LRRTM4: variants seen among roughly 807,000 people sequenced by gnomAD.
LRRTM4 encodes the protein leucine-rich repeat transmembrane neuronal protein 4.
In LRRTM4, 25 loss-of-function variants were observed where a neutral mutation model predicts 47.6. The ratio of observed to expected loss-of-function variants is 0.53; its 90% CI spans 0.38 to 0.73. The LOEUF (loss-of-function observed/expected upper bound fraction) is 0.73, where lower values mean the gene tolerates loss of function less well. Among genes scored for constraint, LRRTM4 ranks in the 30% least tolerant of loss-of-function variants. LRRTM4 has a pLI of 0.00. For synonymous variants in LRRTM4, 311 were observed against 269.5 expected (o/e 1.15, Z -1.51); for missense variants, 638 against 713.4 (o/e 0.89, Z 1.20).
intron 3 of LRRTM4, among the ~76,000 whole-genome samples, chr2:77,047,315 T>C (rs754120812): frequency 2.6e-5 from 4 of 152,018 alleles, no homozygotes; most frequent in Non-Finnish European, 4.4e-5. Context: ...GGAAGGTAAG[T>C]GCTGGCACAG....
Position 76,796,309 on chromosome 2 carries a change from C to T in LRRTM4, c.1552-47393G>A, listed in dbSNP as rs1256862957. ...GCCAGGAAGCTCCAACTGGGTGGAG[C>T]CCACCACAGCTCAAGGAGGCCTGCC... On this transcript the variant is annotated intron_variant, in intron 3 of 3. Transcript: ENST00000409884. Among the ~76,000 whole-genome samples, 16 of 119,178 alleles carry T rather than the reference C, an allele frequency of 1.3e-4. No homozygotes were observed. In the East Asian group the frequency reaches 4.2e-3, roughly 32 times the overall value. 78.2% of individuals were successfully genotyped at this position (119,178 alleles called of 152,430 possible). A position where few individuals can be genotyped will look rare whatever the true frequency, so the allele number is the denominator to read the frequency against.
chr2:77,182,182 CA>C (rs1481460595), intron 3 of LRRTM4, among the ~76,000 whole-genome samples: 3 of 152,054 alleles, frequency 2.0e-5, no homozygotes, highest in African/African-American at 7.2e-5. Context: ...AAATGCCCAT[CA>C]ATGATAGACT....
At chr2:77,253,943 TAAAG>T (rs563485776) in intron 3 of LRRTM4, among the ~76,000 whole-genome samples, 264 of 151,992 alleles carry the variant, frequency 1.7e-3, no homozygotes, top group African/African-American at 6.1e-3. Flanking sequence ...AAAAGATAGT[TAAAG>T]AAACAGTCTG....
chr2:76,967,636 A>G (rs1399944999), intron 3 of LRRTM4, among the ~76,000 whole-genome samples: 2 of 151,680 alleles, frequency 1.3e-5, no homozygotes, highest in Non-Finnish European at 3.0e-5. Flanking sequence ...CAGCCTTGCC[A>G]TATGTATAAA....
chr2:77,469,259 T>C (rs993077978), intron 3 of LRRTM4, among the ~76,000 whole-genome samples: 4 of 152,236 alleles, frequency 2.6e-5, no homozygotes, highest in African/African-American at 9.6e-5. Flanking sequence ...CGTTTGCCTC[T>C]GAAAGCAGGG....
chr2:76,853,739 G>A (rs749406629), intron 3 of LRRTM4, among the ~76,000 whole-genome samples: 2 of 152,090 alleles, frequency 1.3e-5, no homozygotes, highest in African/African-American at 2.4e-5. Flanking sequence ...AAGGTGTTAA[G>A]GTAAATTCCA....
chr2:76,866,807 C>T (rs373122717), intron 3 of LRRTM4, among the ~76,000 whole-genome samples: 23 of 152,130 alleles, frequency 1.5e-4, no homozygotes, highest in East Asian at 7.7e-4. Context: ...AATAAACATA[C>T]GAGTGCATGT....
intron 3 of LRRTM4, among the ~76,000 whole-genome samples, chr2:76,976,806 G>T (rs1277620370): frequency 6.6e-6 from 1 of 151,780 alleles, no homozygotes; most frequent in Non-Finnish European, 1.5e-5. Context: ...CAGTAATTTG[G>T]TGTATATTTT....
At chr2:77,332,154 G>T (rs1670995450) in intron 3 of LRRTM4, among the ~76,000 whole-genome samples, 2 of 152,226 alleles carry the variant, frequency 1.3e-5, no homozygotes, top group Admixed American at 1.3e-4. Flanking sequence ...GAAATGCAAG[G>T]TAAACTTCTT....
At chr2:76,974,552 A>G (rs76022598) in intron 3 of LRRTM4, among the ~76,000 whole-genome samples, 5,718 of 151,354 alleles carry the variant, frequency 0.038, 241 homozygotes, top group East Asian at 0.14. Context: ...TGTCACATAC[A>G]TATTTATAAT....
At chr2:77,046,218 C>T (rs975828032) in intron 3 of LRRTM4, among the ~76,000 whole-genome samples, 7 of 151,912 alleles carry the variant, frequency 4.6e-5, no homozygotes, top group Non-Finnish European at 8.8e-5. Context: ...GCAATAGAAC[C>T]AGCTCTAGAT....
intron 3 of LRRTM4, among the ~76,000 whole-genome samples, chr2:76,936,601 A>AG (rs1418713258): frequency 3.3e-5 from 5 of 149,286 alleles, no homozygotes; most frequent in African/African-American, 9.9e-5. Context: ...AAAAAAAAAA[A>AG]GAAAGAAAAA....
At chr2:76,910,736 T>C (rs1674024577) in intron 3 of LRRTM4, among the ~76,000 whole-genome samples, 3 of 152,242 alleles carry the variant, frequency 2.0e-5, no homozygotes, top group Non-Finnish European at 4.4e-5. Flanking sequence ...CACTCTGTTA[T>C]GTAAAAACAA....
At chr2:76,768,713 CTTA>C (rs990808548) in intron 3 of LRRTM4, among the ~76,000 whole-genome samples, 2 of 151,928 alleles carry the variant, frequency 1.3e-5, no homozygotes, top group Non-Finnish European at 2.9e-5. Flanking sequence ...TAAAAAATCC[CTTA>C]TTATTTATGG....
At chr2:77,045,013 ATTAC>A (rs983254946) in intron 3 of LRRTM4, among the ~76,000 whole-genome samples, 6 of 151,818 alleles carry the variant, frequency 4.0e-5, no homozygotes, top group African/African-American at 9.7e-5. Context: ...TTGGTTACCA[ATTAC>A]TTACTATGTG....
At chr2:77,118,769 T>G (rs1572980091) in intron 3 of LRRTM4, among the ~76,000 whole-genome samples, 1 of 151,984 alleles carries the variant, frequency 6.6e-6, no homozygotes, top group South Asian at 2.1e-4. Context: ...ATTCAAATTT[T>G]TAGGCATCCA....
At chr2:76,894,687 G>A (rs1300964586) in intron 3 of LRRTM4, among the ~76,000 whole-genome samples, 1 of 151,880 alleles carries the variant, frequency 6.6e-6, no homozygotes, top group Non-Finnish European at 1.5e-5. Context: ...AGTAACTGGA[G>A]TGACTTTTTC....
chr2:76,848,396 G>A (rs1237339460), intron 3 of LRRTM4, among the ~76,000 whole-genome samples: 1 of 151,834 alleles, frequency 6.6e-6, no homozygotes, highest in African/African-American at 2.4e-5. Flanking sequence ...ATTAATTAAA[G>A]ACTCCAAAAT....
chr2:77,019,664 AT>A (rs1161068365), intron 3 of LRRTM4, among the ~76,000 whole-genome samples: 5 of 152,154 alleles, frequency 3.3e-5, no homozygotes, highest in Non-Finnish European at 7.4e-5. Context: ...GATAAAGCCA[AT>A]TTCTTGTTTC....
Sources: allele counts gnomAD v4.1 joint callset (sites outside exome capture counted in the v4.1 genomes callset), GRCh38; gene constraint gnomAD v4.1.1; transcripts MANE v1.5; gene names NCBI Gene and HGNC (gene_info 2026-07-23, HGNC 2026-07-21).